Variants in FBN1 observed in about 807,000 individuals in gnomAD.
FBN1 encodes the protein fibrillin 1.
FBN1 carries 29 observed loss-of-function variants against 365.1 expected under a neutral mutation model. The observed-to-expected ratio is 0.08, with a 90% CI of 0.06 to 0.11. The LOEUF (loss-of-function observed/expected upper bound fraction) is 0.11, where lower values mean the gene tolerates loss of function less well. Ranked by LOEUF, FBN1 falls within the 10% of genes least tolerant of loss-of-function variation. FBN1 has a pLI of 1.00. For synonymous variants in FBN1, 1,210 were observed against 1,270.5 expected (o/e 0.95, Z 1.01); for missense variants, 2,476 against 3,703.2 (o/e 0.67, Z 8.60).
chr15:48,591,518 C>A (rs1373084482), intron 6 of FBN1, among the ~76,000 whole-genome samples: 1 of 152,210 alleles, frequency 6.6e-6, no homozygotes, highest in East Asian at 1.9e-4. Context: ...CCTGTAAACA[C>A]ACAGGAATCT....
At chr15:48,598,559 C>T (rs2044533659) in intron 5 of FBN1, among the ~76,000 whole-genome samples, 1 of 152,170 alleles carries the variant, frequency 6.6e-6, no homozygotes, top group African/African-American at 2.4e-5. Flanking sequence ...TGCATTTAAG[C>T]TCTAGCAACA....
At chr15:48,536,660 T>A (rs1423416530) in intron 7 of FBN1, among the ~76,000 whole-genome samples, 1 of 152,248 alleles carries the variant, frequency 6.6e-6, no homozygotes, top group African/African-American at 2.4e-5. Flanking sequence ...CCAAAGGAGC[T>A]GTATGTTGTA....
chr15:48,488,164 T>C lies in FBN1; in HGVS notation c.3286A>G (p.Lys1096Glu). 6.2e-7 allele frequency: 1 copy of C among 1,614,234 alleles called. No homozygotes were observed. Among genetic ancestry groups the C allele is most frequent in the Non-Finnish European group, 8.5e-7 (1 of 1,180,036 alleles). Residue 1096 changes from lysine to glutamate, a missense_variant, in exon 27 of 66, where the codon AAG becomes GAG. This residue lies in a region of FBN1 where 1,780 missense variants were observed against 2,840.8 expected (regional missense o/e 0.63). Coordinates refer to ENST00000316623, the MANE Select transcript of FBN1 (RefSeq NM_000138.5). ...CVNTPGDFEC[K>E]CDEGYESGFM... ...CCACTTTCATAGCCTTCGTCACACT[T>C]GCATTCAAAGTCCCCAGGGGTGTTC...
At chr15:48,485,874 C>T (rs946128651) in intron 29 of FBN1, among the ~76,000 whole-genome samples, 2 of 152,186 alleles carry the variant, frequency 1.3e-5, no homozygotes, top group East Asian at 3.8e-4. Context: ...GGCTAACACA[C>T]CTCCCTCTGT....
intron 45 of FBN1, among the ~76,000 whole-genome samples, chr15:48,449,445 G>T (rs1725896368): frequency 6.6e-6 from 1 of 152,052 alleles, no homozygotes; most frequent in South Asian, 2.1e-4. Context: ...TCTACACAGG[G>T]CTCCTTTTAG....
intron 6 of FBN1, among the ~76,000 whole-genome samples, chr15:48,557,586 CG>C (rs761688306): frequency 6.6e-6 from 1 of 152,120 alleles, no homozygotes; most frequent in Non-Finnish European, 1.5e-5. Flanking sequence ...GTCAGTACAA[CG>C]GGCGTGTCAG....
At chr15:48,425,582 C>A (rs899403798) in intron 59 of FBN1, 91 bp from the exon 60 acceptor site, 1 of 1,584,470 alleles carries the variant, frequency 6.3e-7, no homozygotes, top group Non-Finnish European at 8.6e-7. Flanking sequence ...ATTTTAGTTT[C>A]GGGGAAAGAA....
chr15:48,594,965 T>A (rs1227706673), intron 6 of FBN1, among the ~76,000 whole-genome samples: 2 of 152,190 alleles, frequency 1.3e-5, no homozygotes, highest in African/African-American at 4.8e-5. Context: ...TTATAATTAT[T>A]AGCGAATAAA....
intron 6 of FBN1, among the ~76,000 whole-genome samples, chr15:48,562,768 G>C (rs1481277554): frequency 6.6e-6 from 1 of 152,116 alleles, no homozygotes; most frequent in African/African-American, 2.4e-5. Context: ...GGGTCTTCCA[G>C]TCTAAACCAG....
intron 30 of FBN1, among the ~76,000 whole-genome samples, chr15:48,485,036 T>C (rs1054540889): frequency 6.6e-6 from 1 of 152,216 alleles, no homozygotes; most frequent in African/African-American, 2.4e-5. Flanking sequence ...GTGATGCTGT[T>C]GCCAATGGTT....
At chr15:48,631,290 G>A (rs961762649) in intron 2 of FBN1, among the ~76,000 whole-genome samples, 2 of 152,202 alleles carry the variant, frequency 1.3e-5, no homozygotes, top group African/African-American at 4.8e-5. Flanking sequence ...ATGGCATGAA[G>A]CCAAAGGAAG....
Position 48,437,368 on chromosome 15 carries a change from A to G in FBN1, c.6333T>C (p.Cys2111=). The part of the protein sequence containing the change: ...TEPDEAFRQI[C]PYGSGIIVGP... ...CCACGATGATCCCACTTCCATAAGG[A>G]CATATCTGGCGGAAGGCCTCTGTGG... Residue 2111 remains cysteine (C), a synonymous_variant, in exon 52 of 66, where the codon TGT becomes TGC. Transcript: ENST00000316623. The G allele has an allele frequency of 6.2e-7, 1 of 1,613,566 alleles. No individual in the cohort carries two copies. Among genetic ancestry groups the G allele is most frequent in the Non-Finnish European group, 8.5e-7 (1 of 1,179,640 alleles).
At chr15:48,548,730 A>T (rs1464036353) in intron 6 of FBN1, among the ~76,000 whole-genome samples, 1 of 152,230 alleles carries the variant, frequency 6.6e-6, no homozygotes, top group African/African-American at 2.4e-5. Flanking sequence ...AAGAGACAGC[A>T]TTAAAAGTGG....
chr15:48,542,251 T>A (rs1009594699), intron 6 of FBN1, among the ~76,000 whole-genome samples: 2 of 152,212 alleles, frequency 1.3e-5, no homozygotes, highest in Non-Finnish European at 2.9e-5. Flanking sequence ...TGTGGTACAA[T>A]GAATTCTCGT....
In FBN1 at chr15:48,410,936, T is replaced by C; in HGVS notation, c.*54A>G. The C allele has an allele frequency of 6.8e-7, 1 of 1,463,116 alleles. No homozygotes were observed. Among genetic ancestry groups the C allele is most frequent in the Non-Finnish European group, 9.5e-7 (1 of 1,052,048 alleles). 90.6% of individuals were successfully genotyped at this position (1,463,116 alleles called of 1,614,324 possible). ...TGATTCTGATTGGGGGAAAATATAG[T>C]TCTACCTATCTATATTTGTTTTTCT... On this transcript the variant is annotated 3_prime_UTR_variant, in exon 66 of 66. Transcript: ENST00000316623.
intron 63 of FBN1, 84 bp downstream of exon 63, chr15:48,420,603 A>T (rs1194875664): frequency 8.9e-6 from 14 of 1,569,000 alleles, no homozygotes; most frequent in Non-Finnish European, 1.1e-5. Context: ...TCAATAACAC[A>T]TTTACAGCTT....
At chr15:48,469,081 T>A (rs866124832) in intron 36 of FBN1, among the ~76,000 whole-genome samples, 2,066 of 108,788 alleles carry the variant, frequency 0.019, 27 homozygotes, top group Non-Finnish European at 0.023. Context: ...AAAAAAAAAA[T>A]ATATATATAT....
At chr15:48,607,213 T>C (rs1335809553) in intron 4 of FBN1, among the ~76,000 whole-genome samples, 3 of 151,862 alleles carry the variant, frequency 2.0e-5, no homozygotes, top group Admixed American at 1.3e-4. Context: ...TAAAACAGAA[T>C]GAGAAGATTT....
At position 48,411,419 on chromosome 15, in the gene FBN1, T is replaced by C. The variant is rs772602324; in HGVS notation, c.8227-40A>G. The stretch of plus-strand genomic sequence containing the variant: ...GGCAATATGTTAAATACAATGTACA[T>C]ATGCCACTTAGCTCTCATATTAAAG... On this transcript the variant is annotated intron_variant, in intron 65 of 65. Coordinates refer to ENST00000316623, the MANE Select transcript of FBN1 (RefSeq NM_000138.5). 9 of 1,585,358 alleles carry C rather than the reference T, an allele frequency of 5.7e-6. No homozygotes were observed. The South Asian group carries it at 1.0e-4, about 18-fold the overall frequency.
Sources: gnomAD v4.1 joint callset for allele counts (sites outside exome capture counted in the v4.1 genomes callset) on GRCh38, gnomAD v4.1.1 for gene constraint, gnomAD v4.1.1 regional missense constraint, MANE v1.5 for transcripts, NCBI Gene and HGNC (gene_info 2026-07-23, HGNC 2026-07-21) for gene names.